The following CTNNA3 variants were observed in gnomAD, a reference collection of about 807,000 sequenced individuals.
CTNNA3 encodes the protein catenin alpha 3.
A neutral mutation model predicts 95.7 loss-of-function variants in CTNNA3; 76 were observed. That is an observed-to-expected ratio of 0.79 (90% confidence interval 0.66 to 0.96). The LOEUF is 0.96. Ranked by LOEUF, CTNNA3 falls within the 40% of genes least tolerant of loss-of-function variation. The pLI, the probability that CTNNA3 is intolerant of heterozygous loss-of-function variation, is 0.00. For synonymous variants in CTNNA3, 431 were observed against 374.4 expected, an observed-to-expected ratio of 1.15 and a Z score of -1.74; for missense variants, 1,191 against 1,089.8, an observed-to-expected ratio of 1.09 and a Z score of -1.31.
intron 7 of CTNNA3, among the ~76,000 whole-genome samples, chr10:66,933,014 T>G (rs1314452765): frequency 6.6e-6 from 1 of 152,234 alleles, no homozygotes; most frequent in African/African-American, 2.4e-5. Context: ...AACACAGATG[T>G]GTACTATTGA....
chr10:66,022,071 T>A (rs911093244), intron 15 of CTNNA3, among the ~76,000 whole-genome samples: 9 of 151,926 alleles, frequency 5.9e-5, no homozygotes, highest in African/African-American at 1.2e-4. Flanking sequence ...CTGCCAAGGC[T>A]GTTCTCAAAC....
At chr10:67,211,667 A>T (rs1435867105) in intron 6 of CTNNA3, among the ~76,000 whole-genome samples, 1 of 152,224 alleles carries the variant, frequency 6.6e-6, no homozygotes, top group Non-Finnish European at 1.5e-5. Flanking sequence ...ATCCAATAGC[A>T]AAGACAGATG....
rs187012716 is a variant in CTNNA3, at chr10:66,699,992, T to G, written c.1281+66272A>C. ...ATTTTTTTTAAATCAAGTTACTTGG[T>G]TTTTTTTTGTTTTGTTTTTTGCTAT... is the stretch of plus-strand genomic sequence containing the variant. On this transcript the variant is annotated intron_variant, in intron 9 of 17. Transcript: ENST00000433211. Among the ~76,000 whole-genome samples, 480 of 150,942 alleles carry G rather than the reference T, an allele frequency of 3.2e-3. 3 individuals are homozygous for G. In the Middle Eastern group the frequency reaches 0.037, roughly 12 times the overall value.
chr10:67,727,972 A>G (rs1841250571), intron 1 of CTNNA3, among the ~76,000 whole-genome samples: 1 of 137,016 alleles, frequency 7.3e-6, no homozygotes, highest in Non-Finnish European at 1.5e-5. Flanking sequence ...ATAATAGATG[A>G]CACATAATAC....
intron 15 of CTNNA3, among the ~76,000 whole-genome samples, chr10:65,995,764 T>C (rs1474139968): frequency 6.6e-6 from 1 of 152,184 alleles, no homozygotes; most frequent in Admixed American, 6.5e-5. Flanking sequence ...CATGTTTCTG[T>C]TAGTGGTGGC....
intron 6 of CTNNA3, among the ~76,000 whole-genome samples, chr10:67,190,342 A>C (rs1422153159): frequency 6.6e-6 from 1 of 152,026 alleles, no homozygotes; most frequent in Non-Finnish European, 1.5e-5. Context: ...GCACACAACA[A>C]CACTTTGTAT....
chr10:65,969,882 GC>G (rs1218595702), intron 16 of CTNNA3, among the ~76,000 whole-genome samples: 3 of 152,152 alleles, frequency 2.0e-5, no homozygotes, highest in Non-Finnish European at 4.4e-5. Context: ...TTCAAATTTT[GC>G]TAGAGAGGTA....
At chr10:66,408,897 A>G (rs1318792962) in intron 11 of CTNNA3, among the ~76,000 whole-genome samples, 1 of 152,180 alleles carries the variant, frequency 6.6e-6, no homozygotes, top group East Asian at 1.9e-4. Flanking sequence ...GCAGGCCACA[A>G]CCACACATAT....
rs537621952 is a variant in CTNNA3, at chr10:66,685,607, C to T, written c.1282-63823G>A. On this transcript the variant is annotated intron_variant, in intron 9 of 17. Coordinates refer to ENST00000433211, the MANE Select transcript of CTNNA3 (RefSeq NM_013266.4). ...CAGGATGGTCTCGATCTCCTGACCT[C>T]GTGATCCGCCCACCTCGGCCTCCCA... Among the ~76,000 whole-genome samples, 273 of 150,970 alleles carry T rather than the reference C, an allele frequency of 1.8e-3. 3 individuals carry two copies. The highest frequency in any genetic ancestry group is 6.4e-3 in the African/African-American group (261 of 41,092).
chr10:66,519,276 T>G (rs1393241536), intron 11 of CTNNA3, among the ~76,000 whole-genome samples: 1 of 151,992 alleles, frequency 6.6e-6, no homozygotes, highest in Non-Finnish European at 1.5e-5. Flanking sequence ...CTGTGGGATA[T>G]TATTCTAATT....
chr10:66,120,632 G>A (rs768763414), intron 13 of CTNNA3, among the ~76,000 whole-genome samples: 208 of 152,198 alleles, frequency 1.4e-3, no homozygotes, highest in Non-Finnish European at 2.5e-3. Context: ...ATAAATTGGA[G>A]AACAGCTGCT....
chr10:67,466,565 T>C (rs1026062364), intron 5 of CTNNA3, among the ~76,000 whole-genome samples: 3 of 152,220 alleles, frequency 2.0e-5, no homozygotes, highest in Admixed American at 2.0e-4. Context: ...GTGTTGGCTG[T>C]ACATTCATGT....
intron 5 of CTNNA3, among the ~76,000 whole-genome samples, chr10:67,433,636 A>G (rs1288324293): frequency 6.6e-6 from 1 of 152,096 alleles, no homozygotes; most frequent in Non-Finnish European, 1.5e-5. Context: ...TACAGTAAGA[A>G]TTCAATGTAT....
chr10:66,929,654 C>A (rs1305862827), intron 7 of CTNNA3, among the ~76,000 whole-genome samples: 1 of 152,180 alleles, frequency 6.6e-6, no homozygotes, highest in African/African-American at 2.4e-5. Context: ...TTCTCTGTTG[C>A]TTTTCTATTG....
intron 13 of CTNNA3, among the ~76,000 whole-genome samples, chr10:66,109,619 C>T (rs2082041922): frequency 6.6e-6 from 1 of 152,068 alleles, no homozygotes; most frequent in Non-Finnish European, 1.5e-5. Flanking sequence ...ATTTAAATTT[C>T]CCATGAGCCA....
intron 11 of CTNNA3, among the ~76,000 whole-genome samples, chr10:66,405,890 T>G (rs532065394): frequency 3.9e-5 from 6 of 152,294 alleles, no homozygotes; most frequent in African/African-American, 1.4e-4. Flanking sequence ...TTGCCACATC[T>G]TTTCCTTTCA....
chr10:66,530,026 T>C (rs957107723), intron 10 of CTNNA3, among the ~76,000 whole-genome samples: 10 of 152,192 alleles, frequency 6.6e-5, no homozygotes, highest in African/African-American at 2.2e-4. Flanking sequence ...TGCTGATGTA[T>C]ATACTTCTCT....
intron 3 of CTNNA3, among the ~76,000 whole-genome samples, chr10:67,555,063 G>GTA: frequency 6.6e-6 from 1 of 151,898 alleles, no homozygotes; most frequent in East Asian, 1.9e-4. Flanking sequence ...TCAGAATATT[G>GTA]TACATGTGCG....
chr10:66,054,554 T>C (rs563137022), intron 15 of CTNNA3, among the ~76,000 whole-genome samples: 1 of 152,148 alleles, frequency 6.6e-6, no homozygotes, highest in African/African-American at 2.4e-5. Flanking sequence ...AGATCTTTTG[T>C]ACATTTTTGA....
Sources: allele counts gnomAD v4.1 joint callset (sites outside exome capture counted in the v4.1 genomes callset), GRCh38; gene constraint gnomAD v4.1.1; transcripts MANE v1.5; gene names NCBI Gene and HGNC (gene_info 2026-07-23, HGNC 2026-07-21).